NEO1: variants seen among roughly 807,000 people sequenced by gnomAD.
The protein encoded by NEO1 is neogenin.
NEO1 carries 63 observed loss-of-function variants against 159.7 expected under a neutral mutation model. The ratio of observed to expected loss-of-function variants is 0.39; its 90% CI spans 0.32 to 0.49. The LOEUF (loss-of-function observed/expected upper bound fraction) is 0.49. NEO1 is among the 20% of genes least tolerant of loss of function. The pLI, the probability that NEO1 is intolerant of heterozygous loss-of-function variation, is 0.85. For missense variants in NEO1, 1,615 were observed against 1,831.0 expected (o/e 0.88, Z 2.15); for synonymous variants, 633 against 662.0 (o/e 0.96, Z 0.67).
At chr15:73,102,716 T>C (rs2070471024) in intron 1 of NEO1, among the ~76,000 whole-genome samples, 1 of 152,184 alleles carries the variant, frequency 6.6e-6, no homozygotes, top group African/African-American at 2.4e-5. Flanking sequence ...CTCTTAAATG[T>C]TGGTGTTCTA....
intron 7 of NEO1, among the ~76,000 whole-genome samples, chr15:73,209,984 CAA>C (rs2037463456): frequency 6.6e-6 from 1 of 152,102 alleles, no homozygotes; most frequent in South Asian, 2.1e-4. Context: ...GCCTGGGCAA[CAA>C]GAGCGAAACT....
intron 15 of NEO1, among the ~76,000 whole-genome samples, chr15:73,263,403 C>G (rs1305364396): frequency 6.6e-6 from 1 of 152,056 alleles, no homozygotes; most frequent in East Asian, 1.9e-4. Context: ...CATGTTGCCC[C>G]AGGCTGGTCT....
intron 1 of NEO1, among the ~76,000 whole-genome samples, chr15:73,114,072 G>A (rs1410800084): frequency 6.6e-6 from 1 of 152,140 alleles, no homozygotes; most frequent in African/African-American, 2.4e-5. Context: ...TGTAGGTAGC[G>A]CATACACCAT....
intron 1 of NEO1, among the ~76,000 whole-genome samples, chr15:73,091,856 G>A (rs2069712893): frequency 6.6e-6 from 1 of 151,544 alleles, no homozygotes; most frequent in African/African-American, 2.4e-5. Context: ...CAAATTCCTG[G>A]ACTCAAGTGA....
At position 73,295,211 on chromosome 15, in the gene NEO1, G is replaced by A. The variant is rs150141440; in HGVS notation, c.3901+1663G>A. ...TTGGAGTTCTGCATTTAGGAAAGAC[G>A]GTTTCCAAGATGGACAGTTACTCCA... On this transcript the variant is annotated intron_variant, in intron 26 of 28. Coordinates refer to ENST00000261908, the MANE Select transcript of NEO1 (RefSeq NM_002499.4). Among the ~76,000 whole-genome samples the A allele has an allele frequency of 2.4e-3, 355 of 149,688 alleles. 2 individuals carry two copies. Among genetic ancestry groups the A allele is most frequent in the African/African-American group, 8.1e-3 (334 of 41,044 alleles).
intron 27 of NEO1, 41 bp from the exon 28 acceptor site, chr15:73,301,280 G>A (rs2042601165): frequency 6.2e-7 from 1 of 1,612,860 alleles, no homozygotes; most frequent in Non-Finnish European, 8.5e-7. Flanking sequence ...TCTAGGGGAG[G>A]CAGGCTTGGC....
At chr15:73,158,938 T>C (rs908211676) in intron 5 of NEO1, among the ~76,000 whole-genome samples, 2 of 152,184 alleles carry the variant, frequency 1.3e-5, no homozygotes, top group African/African-American at 4.8e-5. Context: ...TTTTGAGGTC[T>C]GCAGTGAAAA....
intron 7 of NEO1, among the ~76,000 whole-genome samples, chr15:73,217,788 C>T (rs2037985793): frequency 6.6e-6 from 1 of 152,196 alleles, no homozygotes; most frequent in African/African-American, 2.4e-5. Context: ...TATCCTGAGA[C>T]TTTGCTGAAG....
chr15:73,266,472 G>C, intron 16 of NEO1, 61 bp downstream of exon 16: 3 of 1,300,790 alleles, frequency 2.3e-6, no homozygotes, highest in Non-Finnish European at 3.3e-6. Flanking sequence ...GCAGAATATT[G>C]GCATGAGGCC....
intron 3 of NEO1, among the ~76,000 whole-genome samples, chr15:73,124,289 C>T (rs111709869): frequency 0.054 from 8,175 of 152,116 alleles, 330 homozygotes; most frequent in Non-Finnish European, 0.076. Context: ...CCTTGAACTC[C>T]TGGGCTCAAG....
At chr15:73,241,487 A>C (rs1172543059) in intron 8 of NEO1, among the ~76,000 whole-genome samples, 5 of 152,166 alleles carry the variant, frequency 3.3e-5, no homozygotes, top group African/African-American at 1.2e-4. Context: ...CCTTTAAGAA[A>C]AAGTTTGCCC....
At chr15:73,099,451 G>A (rs2070277693) in intron 1 of NEO1, among the ~76,000 whole-genome samples, 2 of 152,150 alleles carry the variant, frequency 1.3e-5, no homozygotes, top group African/African-American at 2.4e-5. Context: ...TAACACATCT[G>A]TTTATTTTGC....
chr15:73,256,773 A>T (rs2040372819), intron 13 of NEO1, among the ~76,000 whole-genome samples: 1 of 151,966 alleles, frequency 6.6e-6, no homozygotes, highest in Non-Finnish European at 1.5e-5. Flanking sequence ...TCACTAAGGG[A>T]GCATTGGCCA....
intron 22 of NEO1, among the ~76,000 whole-genome samples, chr15:73,279,349 TGG>T (rs1314804922): frequency 0.3 from 34,688 of 116,522 alleles, 6,535 homozygotes; most frequent in Non-Finnish European, 0.44. Flanking sequence ...GTTTTGGTTT[TGG>T]TTTTTTTTTT....
chr15:73,192,029 A>T (rs1470505623), intron 7 of NEO1, among the ~76,000 whole-genome samples: 1 of 152,060 alleles, frequency 6.6e-6, no homozygotes, highest in Non-Finnish European at 1.5e-5. Context: ...CTCTGCCTTC[A>T]TAGTGCTTAT....
chr15:73,082,083 G>A (rs561197521), intron 1 of NEO1, among the ~76,000 whole-genome samples: 100 of 152,032 alleles, frequency 6.6e-4, no homozygotes, highest in African/African-American at 2.3e-3. Context: ...CACATTGGCC[G>A]GACTGGTCTC....
intron 1 of NEO1, among the ~76,000 whole-genome samples, chr15:73,099,793 A>G (rs1292308099): frequency 6.6e-6 from 1 of 152,232 alleles, no homozygotes; most frequent in African/African-American, 2.4e-5. Flanking sequence ...AAGTACTCTT[A>G]GCAATATTTA....
At chr15:73,214,663 T>C (rs892765121) in intron 7 of NEO1, among the ~76,000 whole-genome samples, 3 of 152,224 alleles carry the variant, frequency 2.0e-5, no homozygotes, top group Non-Finnish European at 4.4e-5. Context: ...CCATGCTGTT[T>C]TGGTGACTAT....
intron 22 of NEO1, among the ~76,000 whole-genome samples, chr15:73,280,388 TG>T (rs1340021288): frequency 6.6e-6 from 1 of 152,198 alleles, no homozygotes; most frequent in Non-Finnish European, 1.5e-5. Context: ...TCACTCTTGC[TG>T]TATCTTAGAA....
Sources: gnomAD v4.1 joint callset for allele counts (sites outside exome capture counted in the v4.1 genomes callset) on GRCh38, gnomAD v4.1.1 for gene constraint, MANE v1.5 for transcripts, NCBI Gene and HGNC (gene_info 2026-07-23, HGNC 2026-07-21) for gene names.